Variants in NTM observed in about 807,000 individuals in gnomAD.
NTM encodes the protein neurotrimin, also known as IgLON family member 2.
In NTM, 13 loss-of-function variants were observed where a neutral mutation model predicts 42.1. That is an observed-to-expected ratio of 0.31 (90% CI 0.20 to 0.49). The LOEUF is 0.49. NTM is among the 20% of genes least tolerant of loss of function. NTM has a pLI of 0.99. For missense variants in NTM, 373 were observed against 452.8 expected, an observed-to-expected ratio of 0.82 and a Z score of 1.60; for synonymous variants, 187 against 179.2, an observed-to-expected ratio of 1.04 and a Z score of -0.35.
chr11:131,944,479 C>T (rs1239440925), intron 2 of NTM, among the ~76,000 whole-genome samples: 1 of 152,166 alleles, frequency 6.6e-6, no homozygotes, highest in Non-Finnish European at 1.5e-5. Context: ...CTTGCTTCCA[C>T]ATGAGGAACA....
intron 1 of NTM, among the ~76,000 whole-genome samples, chr11:131,671,937 G>A (rs969480726): frequency 1.3e-5 from 2 of 152,104 alleles, no homozygotes; most frequent in Admixed American, 1.3e-4. Flanking sequence ...CCTCTGTCCC[G>A]GCTCCACCTG....
rs1453954364 is a variant in NTM at position 131,892,609 on chromosome 11, C to T, written c.83-18955C>T. Among the ~76,000 whole-genome samples the T allele has an allele frequency of 3.9e-5, 6 of 152,202 alleles. 1 individual carries two copies. The highest frequency in any genetic ancestry group is 4.1e-4 in the South Asian group (2 of 4,824). On this transcript the variant is annotated intron_variant, in intron 1 of 8. Coordinates refer to ENST00000683400, the MANE Select transcript of NTM (RefSeq NM_001352005.2). ...ATTTGACTGCATTGTCGGCATGGTGCGGGATGGCCACATGCTGCCCTCTTG... is the reference window on the plus strand; with the variant it reads ...ATTTGACTGCATTGTCGGCATGGTGTGGGATGGCCACATGCTGCCCTCTTG...
intron 1 of NTM, among the ~76,000 whole-genome samples, chr11:131,749,220 C>T (rs2082182336): frequency 2.0e-5 from 3 of 152,148 alleles, no homozygotes; most frequent in Non-Finnish European, 4.4e-5. Context: ...TCACAGGGAC[C>T]TGGGTTTCAA....
intron 4 of NTM, among the ~76,000 whole-genome samples, chr11:132,244,516 A>C (rs961901796): frequency 2.0e-5 from 3 of 152,208 alleles, no homozygotes; most frequent in Admixed American, 6.5e-5. Flanking sequence ...GTGGTGATTC[A>C]GTACCCCACT....
chr11:131,504,337 T>A (rs2047217899), intron 1 of NTM, among the ~76,000 whole-genome samples: 1 of 152,160 alleles, frequency 6.6e-6, no homozygotes, highest in South Asian at 2.1e-4. Flanking sequence ...TCTGTTGGCA[T>A]GGGGATACCC....
At chr11:131,518,803 G>C (rs2049218146) in intron 1 of NTM, among the ~76,000 whole-genome samples, 1 of 152,172 alleles carries the variant, frequency 6.6e-6, no homozygotes, top group Non-Finnish European at 1.5e-5. Flanking sequence ...TGGATTGCAT[G>C]CTACTAAATG....
chr11:131,610,545 G>A (rs1166041501), intron 1 of NTM, among the ~76,000 whole-genome samples: 2 of 152,222 alleles, frequency 1.3e-5, no homozygotes, highest in Non-Finnish European at 2.9e-5. Flanking sequence ...CAGGAGCAAG[G>A]AGAGCTTGGT....
At chr11:131,895,343 C>A (rs932130927) in intron 1 of NTM, among the ~76,000 whole-genome samples, 1 of 151,896 alleles carries the variant, frequency 6.6e-6, no homozygotes, top group Non-Finnish European at 1.5e-5. Flanking sequence ...ATCTGACACT[C>A]TGCATACCAC....
intron 1 of NTM, among the ~76,000 whole-genome samples, chr11:131,769,192 G>T (rs2085633873): frequency 6.6e-6 from 1 of 152,056 alleles, no homozygotes; most frequent in South Asian, 2.1e-4. Flanking sequence ...ATCTCCTAAG[G>T]TTTTCCTAGG....
intron 2 of NTM, among the ~76,000 whole-genome samples, chr11:131,954,834 T>C (rs1362750508): frequency 6.6e-6 from 1 of 152,230 alleles, no homozygotes; most frequent in African/African-American, 2.4e-5. Flanking sequence ...CAATCTTTTG[T>C]TACCTACTCA....
At chr11:132,196,999 T>G (rs1216858703) in intron 3 of NTM, among the ~76,000 whole-genome samples, 1 of 152,068 alleles carries the variant, frequency 6.6e-6, no homozygotes. Context: ...AGAGTGAAGC[T>G]CAAAGGGAGG....
In NTM at chr11:132,140,800, C is replaced by T. The variant is rs61066533; in HGVS notation, c.168-5482C>T. Among the ~76,000 whole-genome samples, 276 of 152,228 alleles carry T rather than the reference C, an allele frequency of 1.8e-3. 4 individuals are homozygous for T. The East Asian group carries it at 0.035, about 19-fold the overall frequency. On this transcript the variant is annotated intron_variant, in intron 2 of 8. Transcript: ENST00000683400. ...GTGGGTATTTCTGAGCCATTTGCGT[C>T]GTGATGTTCCCCTATGATGCTTGAG...
At chr11:132,289,856 T>C (rs1591775300) in intron 4 of NTM, among the ~76,000 whole-genome samples, 1 of 152,344 alleles carries the variant, frequency 6.6e-6, no homozygotes, top group Admixed American at 6.5e-5. Context: ...CCCCGGACTC[T>C]CCGTCTTACA....
At chr11:132,311,716 C>A (rs2095286015) in intron 6 of NTM, among the ~76,000 whole-genome samples, 2 of 152,200 alleles carry the variant, frequency 1.3e-5, no homozygotes, top group South Asian at 2.1e-4. Context: ...AATGAAAAGT[C>A]ATCAGCTGCG....
chr11:132,137,544 A>T (rs547436439), intron 2 of NTM, among the ~76,000 whole-genome samples: 6 of 152,332 alleles, frequency 3.9e-5, no homozygotes, highest in African/African-American at 1.2e-4. Flanking sequence ...TCCTACAGGG[A>T]AAAGATGGCA....
intron 2 of NTM, among the ~76,000 whole-genome samples, chr11:131,944,643 G>A (rs143706465): frequency 6.6e-6 from 1 of 152,182 alleles, no homozygotes; most frequent in South Asian, 2.1e-4. Context: ...ATCTCCTCCT[G>A]TTTAAAATGA....
chr11:132,212,968 AAG>A (rs1555317208), intron 4 of NTM, among the ~76,000 whole-genome samples: 8 of 151,986 alleles, frequency 5.3e-5, no homozygotes, highest in African/African-American at 1.9e-4. Flanking sequence ...CAAAAAAAAA[AAG>A]AGTATGCAAT....
chr11:132,182,544 A>T (rs1185591195), intron 3 of NTM, among the ~76,000 whole-genome samples: 1 of 152,234 alleles, frequency 6.6e-6, no homozygotes, highest in Admixed American at 6.5e-5. Flanking sequence ...TATGCCCACA[A>T]GCAATGTGCA....
chr11:131,903,946 T>C (rs1189204470), intron 1 of NTM, among the ~76,000 whole-genome samples: 1 of 152,204 alleles, frequency 6.6e-6, no homozygotes, highest in African/African-American at 2.4e-5. Flanking sequence ...GAAGATTTTT[T>C]TTTGTTTTTT....
Sources: allele counts gnomAD v4.1 joint callset (sites outside exome capture counted in the v4.1 genomes callset), GRCh38; gene constraint gnomAD v4.1.1; transcripts MANE v1.5; gene names NCBI Gene and HGNC (gene_info 2026-07-23, HGNC 2026-07-21).